Variants in GRID2IP observed in about 807,000 individuals in gnomAD.
GRID2IP encodes the protein delphilin.
A neutral mutation model predicts 114.3 loss-of-function variants in GRID2IP; 78 were observed. The ratio of observed to expected loss-of-function variants is 0.68; its 90% CI spans 0.57 to 0.82. The LOEUF (loss-of-function observed/expected upper bound fraction) is 0.82, where lower values mean the gene tolerates loss of function less well. Ranked by LOEUF, GRID2IP falls within the 40% of genes least tolerant of loss-of-function variation. The pLI, the probability that GRID2IP is intolerant of heterozygous loss-of-function variation, is 0.00. For synonymous variants in GRID2IP, 809 were observed against 724.0 expected (o/e 1.12, Z -1.89); for missense variants, 1,727 against 1,678.5 (o/e 1.03, Z -0.51).
At position 6,539,752 on chromosome 7, in the gene GRID2IP, G is replaced by T; in HGVS notation, c.550C>A (p.Arg184=). The T allele has an allele frequency of 6.5e-7, 1 of 1,549,676 alleles. No individual in the cohort carries two copies. Among genetic ancestry groups the T allele is most frequent in the Non-Finnish European group, 8.7e-7 (1 of 1,146,776 alleles). The change falls in exon 2 of 22, where the codon CGA becomes AGA. Residue 184 remains arginine, a synonymous_variant. Transcript: ENST00000457091. ...LVWTLTLALP[R]EACGPLLDNL... ...TCCAGGAGTGGCCCGCAGGCCTCTC[G>T]GGGCAGCGCCAGGGTGAGAGTCCAC... is the stretch of plus-strand genomic sequence containing the variant.
Position 6,516,168 on chromosome 7 carries a change from A to G in GRID2IP, c.1269-1639T>C, listed in dbSNP as rs899509178. 4.0e-5 allele frequency among the ~76,000 whole-genome samples: 6 copies of G among 151,790 alleles called. No individual in the cohort carries two copies. Among genetic ancestry groups the G allele is most frequent in the Non-Finnish European group, 7.4e-5 (5 of 67,982 alleles). On this transcript the variant is annotated intron_variant, in intron 7 of 21. Coordinates refer to ENST00000457091, the MANE Select transcript of GRID2IP (RefSeq NM_001145118.2). The surrounding 1 kb of genome is among the most constrained non-coding windows in gnomAD (Gnocchi z 4.3). ...GTAGGAGAATATCTTTTGACCTAGA[A>G]GCAGGGAAGAGCTTAAAATTTCAAA...
chr7:6,518,323 AG>A (rs1326173289), intron 7 of GRID2IP, among the ~76,000 whole-genome samples: 6 of 152,246 alleles, frequency 3.9e-5, no homozygotes, highest in African/African-American at 1.2e-4. Context: ...GGGTATGAAC[AG>A]TAATTTATAG....
chr7:6,504,934 G>A (rs1786532917), intron 14 of GRID2IP, 64 bp from the exon 15 acceptor site: 1 of 1,384,434 alleles, frequency 7.2e-7, no homozygotes, highest in East Asian at 2.5e-5. Flanking sequence ...AAGGCCCAGG[G>A]GTGGCGTGGT....
chr7:6,551,034 G>A lies in GRID2IP; in HGVS notation c.403C>T (p.Arg135Cys), dbSNP rs1452044826. 3.1e-6 allele frequency: 4 copies of A among 1,289,412 alleles called. No homozygotes were observed. The highest frequency in any genetic ancestry group is 3.9e-6 in the Non-Finnish European group (4 of 1,020,868). The allele number at this position is 1,289,412 out of a possible 1,614,324, so 79.9% of individuals were successfully genotyped here. ...TTGCGGCTGAACTCTTGGGCCTTGC[G>A]CCTGCGCTCTCGGTGCACCGCGTCC... is the stretch of plus-strand genomic sequence containing the variant. Reference protein sequence around the residue: ...RPDAVHRERRRKAQEFSRKVD... With the variant: ...RPDAVHRERRCKAQEFSRKVD... Residue 135 changes from arginine to cysteine, a missense_variant, in exon 1 of 22, where the codon CGC (arginine) becomes TGC (cysteine). Physicochemically the swap from Arg to Cys is radical, Grantham distance 180 (BLOSUM62 -3). Transcript: ENST00000457091.
chr7:6,500,293 C>T (rs1562509821), intron 20 of GRID2IP, among the ~76,000 whole-genome samples: 2 of 152,004 alleles, frequency 1.3e-5, no homozygotes, highest in African/African-American at 4.8e-5. Flanking sequence ...GAAACCCCAT[C>T]TCTACTAAAA....
At position 6,534,744 on chromosome 7, in the gene GRID2IP, G is replaced by A. The variant is rs937505798; in HGVS notation, c.584+4974C>T. Among the ~76,000 whole-genome samples the A allele has an allele frequency of 3.3e-5, 5 of 151,808 alleles. No individual in the cohort carries two copies. Among genetic ancestry groups the A allele is most frequent in the African/African-American group, 1.2e-4 (5 of 41,296 alleles). ...TTTTTTTGGAACAGAGTCTGGCTCTGTCACCCAGGCTGGAGGCTGGAGTGC... is the reference window on the plus strand; with the variant it reads ...TTTTTTTGGAACAGAGTCTGGCTCTATCACCCAGGCTGGAGGCTGGAGTGC... On this transcript the variant is annotated intron_variant, in intron 2 of 21. Coordinates refer to ENST00000457091, the MANE Select transcript of GRID2IP (RefSeq NM_001145118.2). This position sits in a 1 kb window ranked among gnomAD's most constrained non-coding sequence, Gnocchi z 4.5.
Position 6,510,710 on chromosome 7 carries a change from C to T in GRID2IP, c.1556-4G>A. On this transcript the variant is annotated splice_region_variant and splice_polypyrimidine_tract_variant and intron_variant, in intron 9 of 21. Transcript: ENST00000457091. ...ATCTCAGGGCACTCGCTGGGACCTA[C>T]CGGGGAATAATGTCATTACCGTATC... 2 of 1,548,084 alleles carry T rather than the reference C, an allele frequency of 1.3e-6. No individual in the cohort carries two copies. Among genetic ancestry groups the T allele is most frequent in the Admixed American group, 2.0e-5 (1 of 50,332 alleles).
Position 6,519,755 on chromosome 7 carries a change from C to T in GRID2IP, c.1268+823G>A, listed in dbSNP as rs1335800014. ...CTGGGCAACGAGAGTGAAACACCAT[C>T]TCAAAAAACAAAAACAAAAATAAAA... On this transcript the variant is annotated intron_variant, in intron 7 of 21. Coordinates refer to ENST00000457091, the MANE Select transcript of GRID2IP (RefSeq NM_001145118.2). The surrounding 1 kb of genome is among the most constrained non-coding windows in gnomAD (Gnocchi z 4.1). 1.3e-5 allele frequency among the ~76,000 whole-genome samples: 2 copies of T among 151,976 alleles called. No homozygotes were observed. The highest frequency in any genetic ancestry group is 4.8e-5 in the African/African-American group (2 of 41,380).
rs1562512531 is a variant in GRID2IP at position 6,506,173 on chromosome 7, CG to C, written c.2545-267del. On this transcript the variant is annotated intron_variant, in intron 13 of 21. Coordinates refer to ENST00000457091, the MANE Select transcript of GRID2IP (RefSeq NM_001145118.2). This position sits in a 1 kb window ranked among gnomAD's most constrained non-coding sequence, Gnocchi z 5.2. ...AGAAGCCAGCAAGGTGGGACTGCAG[CG>C]GGGGCATGAAGGAGCTGTGAAGAGG... is the stretch of plus-strand genomic sequence containing the variant. Among the ~76,000 whole-genome samples, 1 of 152,148 alleles carries C rather than the reference CG, an allele frequency of 6.6e-6. No individual in the cohort carries two copies. Among genetic ancestry groups the C allele is most frequent in the Non-Finnish European group, 1.5e-5 (1 of 68,018 alleles).
chr7:6,550,146 C>G (rs918251140), intron 1 of GRID2IP, among the ~76,000 whole-genome samples: 1 of 151,826 alleles, frequency 6.6e-6, no homozygotes, highest in Non-Finnish European at 1.5e-5. Flanking sequence ...CATGCACCAC[C>G]ATGCCAAGCT....
Position 6,508,868 on chromosome 7 carries a change from G to T in GRID2IP, c.2127+90C>A. 6.8e-7 allele frequency: 1 copy of T among 1,474,692 alleles called. No homozygotes were observed. The highest frequency in any genetic ancestry group is 1.4e-5 in the South Asian group (1 of 73,786). The allele number at this position is 1,474,692 out of a possible 1,614,324, so 91.4% of individuals were successfully genotyped here. On this transcript the variant is annotated intron_variant, in intron 12 of 21. Coordinates refer to ENST00000457091, the MANE Select transcript of GRID2IP (RefSeq NM_001145118.2). The surrounding 1 kb of genome is among the most constrained non-coding windows in gnomAD (Gnocchi z 5.6). ...CTGGGGAAGATCCCAAGGGCAGCAG[G>T]CCCCTTGCGGGAGCCCAGGAACACT...
chr7:6,527,833 A>G (rs1322607640), intron 2 of GRID2IP, among the ~76,000 whole-genome samples: 1 of 148,786 alleles, frequency 6.7e-6, no homozygotes, highest in East Asian at 2.0e-4. Context: ...ATCTCAGCTC[A>G]TTGGAACCTC....
At chr7:6,524,953 C>T (rs757861363) in intron 4 of GRID2IP, among the ~76,000 whole-genome samples, 1 of 151,696 alleles carries the variant, frequency 6.6e-6, no homozygotes, top group Non-Finnish European at 1.5e-5. Context: ...CTCCTGACCT[C>T]GTGATCCACC....
In GRID2IP at chr7:6,521,466, C is replaced by A; in HGVS notation, c.1047G>T (p.Thr349=). 1 of 1,549,374 alleles carries A rather than the reference C, an allele frequency of 6.5e-7. No homozygotes were observed. The highest frequency in any genetic ancestry group is 8.7e-7 in the Non-Finnish European group (1 of 1,145,880). The change falls in exon 6 of 22, where the codon ACG becomes ACT. Residue 349 remains threonine (T), a synonymous_variant. Coordinates refer to ENST00000457091, the MANE Select transcript of GRID2IP (RefSeq NM_001145118.2). This position sits in a 1 kb window ranked among gnomAD's most constrained non-coding sequence, Gnocchi z 4.1. The part of the protein sequence containing the change: ...SMLQGSGAMP[T]LVVEEGLVPF... ...GGACGAGCCCTTCCTCCACCACCAG[C>A]GTGGGCATGGCACCACTGCCCTGCA...
rs1234304829 is a variant in GRID2IP, at chr7:6,536,787, C to A, written c.584+2931G>T. 1 of 700,900 alleles carries A rather than the reference C, an allele frequency of 1.4e-6. No homozygotes were observed. Among genetic ancestry groups the A allele is most frequent in the Admixed American group, 2.0e-5 (1 of 49,858 alleles). The allele number at this position is 700,900 out of a possible 1,614,324, so 43.4% of individuals were successfully genotyped here. A position where few individuals can be genotyped will look rare whatever the true frequency, so the allele number is the denominator to read the frequency against. Reference sequence around the variant, plus strand: ...CTAGAAATAACTTTTTTCCTTTTTTCCCCTCTTCTGATTCTCCTAGCAAGG... The same window carrying A: ...CTAGAAATAACTTTTTTCCTTTTTTACCCTCTTCTGATTCTCCTAGCAAGG... On this transcript the variant is annotated intron_variant, in intron 2 of 21. Transcript: ENST00000457091. The surrounding 1 kb of genome is among the most constrained non-coding windows in gnomAD (Gnocchi z 5.3).
At chr7:6,535,380 GC>G (rs1399869992) in intron 2 of GRID2IP, among the ~76,000 whole-genome samples, 12 of 152,184 alleles carry the variant, frequency 7.9e-5, no homozygotes, top group African/African-American at 2.9e-4. Context: ...GTGCTAGATG[GC>G]CCAGCTTCAT....
At chr7:6,540,548 TC>T (rs1779799626) in intron 1 of GRID2IP, among the ~76,000 whole-genome samples, 1 of 151,542 alleles carries the variant, frequency 6.6e-6, no homozygotes, top group African/African-American at 2.4e-5. Context: ...TGTGACAGAG[TC>T]TCACTCTGCC....
At chr7:6,548,352 A>G (rs146048476) in intron 1 of GRID2IP, among the ~76,000 whole-genome samples, 29 of 152,016 alleles carry the variant, frequency 1.9e-4, no homozygotes, top group African/African-American at 7.0e-4. Context: ...TCTGGCTCCA[A>G]AAAAAATAAA....
At chr7:6,533,674 CT>C (rs1179952257) in intron 2 of GRID2IP, among the ~76,000 whole-genome samples, 1,111 of 135,378 alleles carry the variant, frequency 8.2e-3, no homozygotes, top group East Asian at 9.5e-3. Context: ...CATTTTTAAA[CT>C]TTTTTTTTTT....
Sources: allele counts gnomAD v4.1 joint callset (sites outside exome capture counted in the v4.1 genomes callset), GRCh38; gene constraint gnomAD v4.1.1; non-coding constraint Gnocchi (gnomAD v3.1); transcripts MANE v1.5; gene names NCBI Gene and HGNC (gene_info 2026-07-23, HGNC 2026-07-21).